Variants in OXR1 observed in about 807,000 individuals in gnomAD.
The protein encoded by OXR1 is oxidation resistance protein 1.
Under a neutral mutation model 104.6 loss-of-function variants are expected in OXR1, and 41 were observed. The observed-to-expected ratio is 0.39, with a 90% confidence interval of 0.31 to 0.51. The LOEUF (loss-of-function observed/expected upper bound fraction) is 0.51. Among genes scored for constraint, OXR1 ranks in the 20% least tolerant of loss-of-function variants. OXR1 has a pLI of 0.77. For synonymous variants in OXR1, 348 were observed against 348.4 expected, an observed-to-expected ratio of 1.00 and a Z score of 0.01; for missense variants, 955 against 1,031.9, an observed-to-expected ratio of 0.93 and a Z score of 1.02.
intron 3 of OXR1, among the ~76,000 whole-genome samples, chr8:106,593,549 C>T (rs369141865): frequency 4.7e-4 from 71 of 152,244 alleles, no homozygotes; most frequent in African/African-American, 1.5e-3. Flanking sequence ...GAGGCCAAGG[C>T]GGGCGGATCA....
At chr8:106,483,730 G>A (rs947537310) in intron 2 of OXR1, among the ~76,000 whole-genome samples, 5 of 151,924 alleles carry the variant, frequency 3.3e-5, no homozygotes, top group Non-Finnish European at 7.4e-5. Context: ...TCCCATGGAT[G>A]AACAACCAAA....
At chr8:106,490,696 G>A (rs575894605) in intron 2 of OXR1, among the ~76,000 whole-genome samples, 25 of 152,208 alleles carry the variant, frequency 1.6e-4, no homozygotes, top group Admixed American at 2.6e-4. Context: ...GTGCTTTTTA[G>A]GATGATCCTT....
rs940927466 is a variant in OXR1, at chr8:106,275,713, C to T, written c.-139+5346C>T. On this transcript the variant is annotated intron_variant, in intron 1 of 16. Transcript: ENST00000517566. ...TACTCTGGCATGTCAATTATTGTGC[C>T]AGCTGGAAGGAGGGTCATGTGAGAA... Among the ~76,000 whole-genome samples the T allele has an allele frequency of 3.3e-5, 5 of 152,236 alleles. No homozygotes were observed. In the East Asian group the frequency reaches 9.7e-4, roughly 29 times the overall value.
At chr8:106,445,742 A>G (rs1371947885) in intron 2 of OXR1, among the ~76,000 whole-genome samples, 1 of 152,214 alleles carries the variant, frequency 6.6e-6, no homozygotes, top group Non-Finnish European at 1.5e-5. Flanking sequence ...TTCGCAGCTT[A>G]GCACTATTCG....
At chr8:106,582,127 A>G (rs979616411) in intron 3 of OXR1, among the ~76,000 whole-genome samples, 29 of 146,762 alleles carry the variant, frequency 2.0e-4, no homozygotes, top group African/African-American at 7.0e-4. Context: ...CAGATAATTT[A>G]TAACAATAAT....
At chr8:106,367,143 T>A (rs6469063) in intron 2 of OXR1, among the ~76,000 whole-genome samples, 98,161 of 149,996 alleles carry the variant, frequency 0.65, 33,022 homozygotes, top group African/African-American at 0.82. Context: ...GCTCACTGCA[T>A]CCTCGCCTCC....
intron 2 of OXR1, among the ~76,000 whole-genome samples, chr8:106,363,727 G>C (rs1816346056): frequency 6.6e-6 from 1 of 152,036 alleles, no homozygotes; most frequent in Non-Finnish European, 1.5e-5. Flanking sequence ...TAGCCATCTA[G>C]GTTGGACCTT....
intron 3 of OXR1, among the ~76,000 whole-genome samples, chr8:106,652,684 T>C (rs1300350382): frequency 1.3e-5 from 2 of 148,306 alleles, no homozygotes; most frequent in Non-Finnish European, 3.0e-5. Flanking sequence ...CCTAACCTTC[T>C]GCCTTATGAA....
chr8:106,443,630 C>T (rs1347015263), intron 2 of OXR1, among the ~76,000 whole-genome samples: 2 of 152,138 alleles, frequency 1.3e-5, no homozygotes, highest in Admixed American at 1.3e-4. Context: ...ATTAGCTTTT[C>T]TTGTTGAATT....
At chr8:106,368,414 AT>A (rs1239278353) in intron 2 of OXR1, among the ~76,000 whole-genome samples, 1 of 151,952 alleles carries the variant, frequency 6.6e-6, no homozygotes, top group Non-Finnish European at 1.5e-5. Flanking sequence ...ATTTTATTTT[AT>A]TTTTTATTTT....
chr8:106,610,685 A>G (rs1180277660), intron 3 of OXR1, among the ~76,000 whole-genome samples: 2 of 152,118 alleles, frequency 1.3e-5, no homozygotes, highest in African/African-American at 4.8e-5. Context: ...CCCTGCTCCC[A>G]ACTACCTGTT....
intron 1 of OXR1, among the ~76,000 whole-genome samples, chr8:106,312,935 G>T (rs912776030): frequency 6.6e-6 from 1 of 152,094 alleles, no homozygotes; most frequent in Non-Finnish European, 1.5e-5. Flanking sequence ...AGGGACTTCT[G>T]TTTGGAAGGG....
chr8:106,592,569 A>C (rs1435956330), intron 3 of OXR1, among the ~76,000 whole-genome samples: 1 of 152,186 alleles, frequency 6.6e-6, no homozygotes, highest in East Asian at 1.9e-4. Context: ...GGCAACAGTG[A>C]AATGAAGAGA....
chr8:106,711,350 C>T (rs767943882), intron 10 of OXR1, among the ~76,000 whole-genome samples: 1 of 152,096 alleles, frequency 6.6e-6, no homozygotes, highest in Non-Finnish European at 1.5e-5. Context: ...AACATTATAA[C>T]AACTTTCCCT....
At chr8:106,661,956 G>T (rs1450868924) in intron 3 of OXR1, among the ~76,000 whole-genome samples, 1 of 152,160 alleles carries the variant, frequency 6.6e-6, no homozygotes, top group Non-Finnish European at 1.5e-5. Flanking sequence ...CTCCTCTGAT[G>T]TTGGGATGTG....
intron 3 of OXR1, among the ~76,000 whole-genome samples, chr8:106,528,423 A>G (rs933242501): frequency 6.6e-6 from 1 of 152,202 alleles, no homozygotes; most frequent in African/African-American, 2.4e-5. Context: ...TCCAAACTTA[A>G]CGATGCACAG....
intron 1 of OXR1, among the ~76,000 whole-genome samples, chr8:106,329,390 C>T (rs570912076): frequency 1.3e-5 from 2 of 151,320 alleles, no homozygotes; most frequent in South Asian, 2.1e-4. Flanking sequence ...CTCTGTCGCC[C>T]GGGCTGGAGT....
intron 2 of OXR1, among the ~76,000 whole-genome samples, chr8:106,435,663 C>T (rs1490380304): frequency 6.6e-6 from 1 of 152,088 alleles, no homozygotes; most frequent in African/African-American, 2.4e-5. Flanking sequence ...AAAGTGGGTA[C>T]GTTTTGACGT....
intron 3 of OXR1, among the ~76,000 whole-genome samples, chr8:106,553,117 A>T (rs1815986205): frequency 6.6e-6 from 1 of 152,144 alleles, no homozygotes; most frequent in South Asian, 2.1e-4. Flanking sequence ...TGATGAGTTA[A>T]TGGGTGCAGC....
Sources: gnomAD v4.1 joint callset for allele counts (sites outside exome capture counted in the v4.1 genomes callset) on GRCh38, gnomAD v4.1.1 for gene constraint, MANE v1.5 for transcripts, NCBI Gene and HGNC (gene_info 2026-07-23, HGNC 2026-07-21) for gene names.